FARSA: variants seen among roughly 807,000 people sequenced by gnomAD.
FARSA encodes phenylalanine--tRNA ligase alpha subunit.
Under a neutral mutation model 63.2 loss-of-function variants are expected in FARSA, and 37 were observed. The ratio of observed to expected loss-of-function variants is 0.59; its 90% CI spans 0.45 to 0.77. FARSA has a LOEUF of 0.77. FARSA is among the 30% of genes least tolerant of loss of function. FARSA has a pLI of 0.00. For synonymous variants in FARSA, 312 were observed against 285.1 expected (o/e 1.09, Z -0.95); for missense variants, 618 against 696.6 (o/e 0.89, Z 1.27).
chr19:12,928,109 A>T lies in FARSA; in HGVS notation c.841+233T>A, dbSNP rs116324221. 4.6e-3 allele frequency among the ~76,000 whole-genome samples: 691 copies of T among 151,164 alleles called. 6 individuals carry two copies. Among genetic ancestry groups the T allele is most frequent in the African/African-American group, 0.016 (671 of 41,276 alleles). On this transcript the variant is annotated intron_variant, in intron 7 of 12. Transcript: ENST00000314606. ...ATCCAACAAGGATGGACTTTAATTT[A>T]ACTCAATTAATTTTTTTAGAGGTAG...
chr19:12,933,604 G>T lies in FARSA; in HGVS notation c.93C>A (p.Gly31=). The T allele has an allele frequency of 6.4e-7, 1 of 1,554,742 alleles. No homozygotes were observed. Residue 31 remains glycine (G), a synonymous_variant, in exon 1 of 13, where the codon GGC becomes GGA. Transcript: ENST00000314606. ...CGCCCACCACCGCCTGGTGCTCCATGCCCAGCTCAGCCGCCAACTCGGCGC... is the reference window on the plus strand; with the variant it reads ...CGCCCACCACCGCCTGGTGCTCCATTCCCAGCTCAGCCGCCAACTCGGCGC... ...LDSAELAAEL[G]MEHQAVVGAV...
chr19:12,932,745 C>G (rs1599654867), intron 1 of FARSA, among the ~76,000 whole-genome samples: 1 of 152,152 alleles, frequency 6.6e-6, no homozygotes, highest in East Asian at 1.9e-4. Flanking sequence ...GGCCCACGGG[C>G]CCCTCAGCAT....
intron 12 of FARSA, 116 bp from the exon 13 acceptor site, chr19:12,923,002 AG>A (rs1971282000): frequency 1.4e-6 from 2 of 1,415,790 alleles, no homozygotes; most frequent in South Asian, 1.3e-5. Flanking sequence ...CATGACCCAC[AG>A]GGCCCTGCGC....
intron 12 of FARSA, 152 bp downstream of exon 12, chr19:12,923,999 C>G: frequency 1.6e-6 from 1 of 643,526 alleles, no homozygotes; most frequent in Non-Finnish European, 2.8e-6. Context: ...CTGTCATGTT[C>G]ACAGCACGGG....
chr19:12,931,007 C>T (rs1393529021), intron 1 of FARSA, among the ~76,000 whole-genome samples: 3 of 152,178 alleles, frequency 2.0e-5, no homozygotes, highest in African/African-American at 7.2e-5. Context: ...AAAGATGTTA[C>T]CTGGCAGAAG....
intron 1 of FARSA, among the ~76,000 whole-genome samples, chr19:12,931,138 C>T (rs748767653): frequency 1.3e-5 from 2 of 152,222 alleles, no homozygotes; most frequent in African/African-American, 2.4e-5. Flanking sequence ...CACCCTGTCA[C>T]TAGGCTGGGT....
rs1006111858 is a variant in FARSA, at chr19:12,928,679, AG to A, written c.597-17del. 1 of 1,613,418 alleles carries A rather than the reference AG, an allele frequency of 6.2e-7. No individual in the cohort carries two copies. ...CCAAGAGCCACTGGGGGAGGATGCA[AG>A]GGCCTGGTAAGGGCTGCCCGCCCCT... On this transcript the variant is annotated splice_polypyrimidine_tract_variant and intron_variant, in intron 5 of 12. Transcript: ENST00000314606.
At chr19:12,933,404 A>T (rs972949903) in intron 1 of FARSA, 146 bp downstream of exon 1, 45 of 957,146 alleles carry the variant, frequency 4.7e-5, no homozygotes, top group Admixed American at 8.9e-5. Flanking sequence ...CACTCGTCCC[A>T]CTTCCCGCCC....
chr19:12,929,453 C>T (rs561331575), intron 4 of FARSA, among the ~76,000 whole-genome samples: 2 of 152,122 alleles, frequency 1.3e-5, no homozygotes, highest in African/African-American at 2.4e-5. Context: ...GTGATTTGCC[C>T]GCCTCGGCCT....
At chr19:12,923,071 C>T (rs1971282947) in intron 12 of FARSA, among the ~76,000 whole-genome samples, 185 bp from the exon 13 acceptor site, 1 of 152,096 alleles carries the variant, frequency 6.6e-6, no homozygotes, top group African/African-American at 2.4e-5. Flanking sequence ...CCTCACTCTT[C>T]TCCTAATACA....
At position 12,928,462 on chromosome 19, in the gene FARSA, T is replaced by A; in HGVS notation, c.726-5A>T. ...TCAGTCGGCATCTCGGTGAACCTGG[T>A]GGGAGACACAGCCTGACTGCCCTGC... On this transcript the variant is annotated splice_polypyrimidine_tract_variant and splice_region_variant and intron_variant, in intron 6 of 12. Coordinates refer to ENST00000314606, the MANE Select transcript of FARSA (RefSeq NM_004461.3). The A allele has an allele frequency of 1.9e-6, 3 of 1,614,074 alleles. No individual in the cohort carries two copies. The highest frequency in any genetic ancestry group is 2.5e-6 in the Non-Finnish European group (3 of 1,179,982).
rs1333176062 is a variant in FARSA, at chr19:12,924,755, T to A, written c.1079A>T (p.Glu360Val). Residue 360 changes from glutamate to valine, a missense_variant, in exon 10 of 13, where the codon GAG (glutamate) becomes GTG (valine). Glu to Val is a moderately radical substitution (Grantham distance 121, BLOSUM62 -2). Coordinates refer to ENST00000314606, the MANE Select transcript of FARSA (RefSeq NM_004461.3). The surrounding 1 kb of genome is among the most constrained non-coding windows in gnomAD (Gnocchi z 6.4). Reference sequence around the variant, plus strand: ...AGCCAGGTGCGTGGCGTCCAGGGTCTCATTCCGGAATACGCGGTCGATGGA... The same window carrying A: ...AGCCAGGTGCGTGGCGTCCAGGGTCACATTCCGGAATACGCGGTCGATGGA... The part of the protein sequence containing the change: ...YFSIDRVFRN[E>V]TLDATHLAEF... 6.2e-7 allele frequency: 1 copy of A among 1,602,228 alleles called. No homozygotes were observed. Among genetic ancestry groups the A allele is most frequent in the South Asian group, 1.1e-5 (1 of 90,016 alleles).
chr19:12,924,544 C>T lies in FARSA; in HGVS notation c.1196-18G>A, dbSNP rs753402045. On this transcript the variant is annotated intron_variant, in intron 10 of 12. Transcript: ENST00000314606. This position sits in a 1 kb window ranked among gnomAD's most constrained non-coding sequence, Gnocchi z 6.4. ...CGTGATACCTGCAGGAAGTGGGGGG[C>T]GGGCAGGAGAGCAGGGGTTTGGAGG... 1.1e-5 allele frequency: 17 copies of T among 1,613,124 alleles called. No homozygotes were observed. Among genetic ancestry groups the T allele is most frequent in the Admixed American group, 1.7e-5 (1 of 59,996 alleles).
rs1381040197 is a variant in FARSA at position 12,924,080 on chromosome 19, C to T, written c.1388+71G>A. On this transcript the variant is annotated intron_variant, in intron 12 of 12. Coordinates refer to ENST00000314606, the MANE Select transcript of FARSA (RefSeq NM_004461.3). This position sits in a 1 kb window ranked among gnomAD's most constrained non-coding sequence, Gnocchi z 6.4. ...ATGAATGAATGGGTGGTGCTGAAACCACGCAGGCCCCTATACCTGGAGAGT... is the reference window on the plus strand; with the variant it reads ...ATGAATGAATGGGTGGTGCTGAAACTACGCAGGCCCCTATACCTGGAGAGT... 50 of 1,213,056 alleles carry T rather than the reference C, an allele frequency of 4.1e-5. No individual in the cohort carries two copies. The highest frequency in any genetic ancestry group is 2.2e-5 in the Non-Finnish European group (18 of 817,218). 75.1% of individuals were successfully genotyped at this position (1,213,056 alleles called of 1,614,324 possible). A position where few individuals can be genotyped will look rare whatever the true frequency, so the allele number is the denominator to read the frequency against.
At chr19:12,933,443 C>T in intron 1 of FARSA, 107 bp downstream of exon 1, 1 of 1,360,442 alleles carries the variant, frequency 7.4e-7, no homozygotes, top group South Asian at 1.4e-5. Context: ...ACATATACAG[C>T]TACCCCAAAC....
chr19:12,922,581 C>T lies in FARSA; in HGVS notation c.*167G>A. On this transcript the variant is annotated 3_prime_UTR_variant, in exon 13 of 13. Coordinates refer to ENST00000314606, the MANE Select transcript of FARSA (RefSeq NM_004461.3). Reference sequence around the variant, plus strand: ...CACACAGGACAACAGAAGGAACCTGCTACCCAGTCCTCTGTCCCTGGGATT... The same window carrying T: ...CACACAGGACAACAGAAGGAACCTGTTACCCAGTCCTCTGTCCCTGGGATT... 1.2e-6 allele frequency: 1 copy of T among 803,848 alleles called. No individual in the cohort carries two copies. The highest frequency in any genetic ancestry group is 2.7e-5 in the East Asian group (1 of 37,482). 49.8% of individuals were successfully genotyped at this position (803,848 alleles called of 1,614,324 possible).
chr19:12,932,428 T>G (rs541870342), intron 1 of FARSA, among the ~76,000 whole-genome samples: 1 of 152,272 alleles, frequency 6.6e-6, no homozygotes, highest in South Asian at 2.1e-4. Flanking sequence ...TATACAAATG[T>G]CAGATCATAT....
chr19:12,924,307 T>C lies in FARSA; in HGVS notation c.1274-42A>G. 2 of 1,584,708 alleles carry C rather than the reference T, an allele frequency of 1.3e-6. No individual in the cohort carries two copies. The highest frequency in any genetic ancestry group is 1.7e-6 in the Non-Finnish European group (2 of 1,154,394). Reference sequence around the variant, plus strand: ...GAAAAGACGGGCAGTGCGTGTTGAGTTTCTGGGCACTGCTGGTACAGGTTC... The same window carrying C: ...GAAAAGACGGGCAGTGCGTGTTGAGCTTCTGGGCACTGCTGGTACAGGTTC... On this transcript the variant is annotated intron_variant, in intron 11 of 12. Coordinates refer to ENST00000314606, the MANE Select transcript of FARSA (RefSeq NM_004461.3). The surrounding 1 kb of genome is among the most constrained non-coding windows in gnomAD (Gnocchi z 6.4).
chr19:12,932,091 T>C (rs1186369581), intron 1 of FARSA, among the ~76,000 whole-genome samples: 1 of 143,380 alleles, frequency 7.0e-6, no homozygotes, highest in Non-Finnish European at 1.5e-5. Flanking sequence ...CAGGCTGGAG[T>C]GCGATCTCGG....
Sources: gnomAD v4.1 joint callset for allele counts (sites outside exome capture counted in the v4.1 genomes callset) on GRCh38, gnomAD v4.1.1 for gene constraint, Gnocchi (gnomAD v3.1) non-coding constraint, MANE v1.5 for transcripts, NCBI Gene and HGNC (gene_info 2026-07-23, HGNC 2026-07-21) for gene names.